NME9: variants seen among roughly 807,000 people sequenced by gnomAD.
The protein encoded by NME9 is thioredoxin domain-containing protein 6.
Under a neutral mutation model 44.4 loss-of-function variants are expected in NME9, and 48 were observed. That is an observed-to-expected ratio of 1.08 (90% CI 0.86 to 1.37). The LOEUF (loss-of-function observed/expected upper bound fraction) is 1.37, where lower values mean the gene tolerates loss of function less well. Ranked by LOEUF, NME9 falls within the 40% of genes most tolerant of loss-of-function variation. The pLI, the probability that NME9 is intolerant of heterozygous loss-of-function variation, is 0.00. For missense variants in NME9, 325 were observed against 405.2 expected (o/e 0.80, Z 1.70); for synonymous variants, 139 against 147.1 (o/e 0.94, Z 0.40).
intron 8 of NME9, among the ~76,000 whole-genome samples, chr3:138,271,521 C>G (rs948656044): frequency 2.0e-5 from 3 of 152,200 alleles, no homozygotes; most frequent in Non-Finnish European, 4.4e-5. Flanking sequence ...ATGTTGGAAA[C>G]TGAACTCATT....
chr3:138,267,375 G>A (rs554116239), intron 8 of NME9: 17 of 519,280 alleles, frequency 3.3e-5, no homozygotes, highest in African/African-American at 1.7e-4. Context: ...ATTGCATAGC[G>A]GTAGGGGTGT....
intron 8 of NME9, among the ~76,000 whole-genome samples, chr3:138,288,672 T>C (rs963676285): frequency 4.2e-5 from 6 of 143,310 alleles, no homozygotes; most frequent in Admixed American, 7.7e-5. Context: ...GGAGTCTCGC[T>C]CTGTCACCCA....
chr3:138,278,635 T>C (rs1389934233), intron 8 of NME9, among the ~76,000 whole-genome samples: 2 of 152,232 alleles, frequency 1.3e-5, no homozygotes, highest in Admixed American at 1.3e-4. Context: ...ATTGTATTTA[T>C]AAATAAATTT....
intron 8 of NME9, chr3:138,288,056 A>C (rs1025784908): frequency 6.3e-6 from 1 of 158,480 alleles, no homozygotes; most frequent in Admixed American, 6.2e-5. Context: ...TGAGAAATCA[A>C]CTAGCGATTT....
chr3:138,326,417 A>G (rs1489449065), intron 1 of NME9, among the ~76,000 whole-genome samples: 2 of 152,162 alleles, frequency 1.3e-5, no homozygotes. Context: ...AAAAGACCAC[A>G]AAAATTACTA....
chr3:138,314,556 C>T, intron 5 of NME9, 149 bp from the exon 6 acceptor site: 1 of 560,336 alleles, frequency 1.8e-6, no homozygotes, highest in South Asian at 2.5e-5. Context: ...CTTTACAGGA[C>T]CCTTTTTGGT....
At chr3:138,271,143 A>T (rs1285787829) in intron 8 of NME9, among the ~76,000 whole-genome samples, 72 of 152,192 alleles carry the variant, frequency 4.7e-4, no homozygotes, top group Admixed American at 4.7e-3. Context: ...TTAGGATAGA[A>T]ATAATTATCT....
chr3:138,285,589 C>G (rs2050332055), intron 8 of NME9, among the ~76,000 whole-genome samples: 1 of 152,306 alleles, frequency 6.6e-6, no homozygotes, highest in South Asian at 2.1e-4. Context: ...TCTTACTGGA[C>G]TCTTGCCCTT....
At chr3:138,315,467 T>C in intron 5 of NME9, 60 bp downstream of exon 5, 6 of 1,152,788 alleles carry the variant, frequency 5.2e-6, no homozygotes, top group Non-Finnish European at 7.5e-6. Context: ...TGGGGACTGC[T>C]GATCTCGCCC....
chr3:138,293,637 G>A (rs976183686), intron 8 of NME9, among the ~76,000 whole-genome samples: 7 of 152,200 alleles, frequency 4.6e-5, no homozygotes, highest in Non-Finnish European at 8.8e-5. Context: ...ACATGCTGAA[G>A]GCTGGATCTG....
In NME9 at chr3:138,318,221, TAAAG is replaced by T. The variant is rs768744315; in HGVS notation, c.196-6_196-3del. ...GACATCAAGACGATCTGCCTCTGCC[TAAAG>T]AAAGCCACTATCAGCAGGTACCCTG... On this transcript the variant is annotated splice_region_variant and splice_polypyrimidine_tract_variant and intron_variant, in intron 3 of 10. Coordinates refer to ENST00000333911, the MANE Select transcript of NME9 (RefSeq NM_001349018.2). 3 of 1,607,744 alleles carry T rather than the reference TAAAG, an allele frequency of 1.9e-6. No individual in the cohort carries two copies. Among genetic ancestry groups the T allele is most frequent in the Non-Finnish European group, 2.6e-6 (3 of 1,174,186 alleles).
At chr3:138,321,440 A>AC (rs1313670226) in intron 2 of NME9, among the ~76,000 whole-genome samples, 1 of 152,192 alleles carries the variant, frequency 6.6e-6, no homozygotes. Flanking sequence ...ACTTAATGCC[A>AC]CTCATGAAGG....
chr3:138,312,678 C>T (rs2052782160), intron 6 of NME9, among the ~76,000 whole-genome samples: 1 of 152,138 alleles, frequency 6.6e-6, no homozygotes, highest in Non-Finnish European at 1.5e-5. Flanking sequence ...GGGAAATGCT[C>T]CAGGATATTG....
downstream of NME9, among the ~76,000 whole-genome samples, chr3:138,298,626 C>T (rs1244978633): frequency 6.6e-6 from 1 of 152,144 alleles, no homozygotes; most frequent in Non-Finnish European, 1.5e-5. Context: ...TGGCCACTCC[C>T]AGCCACAAGA....
At chr3:138,282,210 G>A (rs950771649) in intron 8 of NME9, among the ~76,000 whole-genome samples, 2 of 152,176 alleles carry the variant, frequency 1.3e-5, no homozygotes, top group African/African-American at 4.8e-5. Context: ...CTCTTGGAAG[G>A]TGGGGTTGTT....
chr3:138,272,266 T>C (rs2048870202), intron 8 of NME9, among the ~76,000 whole-genome samples: 1 of 152,206 alleles, frequency 6.6e-6, no homozygotes, highest in Non-Finnish European at 1.5e-5. Context: ...CTTATTTTCT[T>C]CCGTGAGTAC....
In NME9 at chr3:138,301,145, G is replaced by A. The variant is rs900235876; in HGVS notation, c.*495C>T. 2.1e-6 allele frequency: 2 copies of A among 957,570 alleles called. No homozygotes were observed. The highest frequency in any genetic ancestry group is 1.8e-5 in the African/African-American group (1 of 56,514). The allele number at this position is 957,570 out of a possible 1,614,324, so 59.3% of individuals were successfully genotyped here. ...ATCCCAAAGACAGAGAAAAAAAACT[G>A]CGTTCTACATACTGTTTAATAAGGC... On this transcript the variant is annotated 3_prime_UTR_variant, in exon 11 of 11. Coordinates refer to ENST00000333911, the MANE Select transcript of NME9 (RefSeq NM_001349018.2).
chr3:138,307,891 T>C (rs960663052), intron 6 of NME9, among the ~76,000 whole-genome samples: 5 of 152,208 alleles, frequency 3.3e-5, no homozygotes, highest in Admixed American at 2.0e-4. Flanking sequence ...CCATAAGATA[T>C]GAACTGGTAA....
intron 10 of NME9, among the ~76,000 whole-genome samples, chr3:138,302,842 C>A (rs1052402854): frequency 1.3e-5 from 2 of 152,228 alleles, no homozygotes; most frequent in African/African-American, 4.8e-5. Context: ...CCAGCCTCTT[C>A]CACTCATTTC....
Sources: allele counts gnomAD v4.1 joint callset (sites outside exome capture counted in the v4.1 genomes callset), GRCh38; gene constraint gnomAD v4.1.1; transcripts MANE v1.5; gene names NCBI Gene and HGNC (gene_info 2026-07-23, HGNC 2026-07-21).